Variants in NAP1L1 observed in about 807,000 individuals in gnomAD.
NAP1L1 encodes the protein nucleosome assembly protein 1 like 1.
In NAP1L1, 9 loss-of-function variants were observed where a neutral mutation model predicts 58.9. The ratio of observed to expected loss-of-function variants is 0.15; its 90% CI spans 0.09 to 0.27. The LOEUF is 0.27. NAP1L1 is among the 10% of genes least tolerant of loss of function. The pLI is 1.00. For missense variants in NAP1L1, 302 were observed against 458.8 expected (o/e 0.66, Z 3.12); for synonymous variants, 130 against 138.3 (o/e 0.94, Z 0.42).
In NAP1L1 at chr12:76,060,291, G is replaced by GAAAT. The variant is rs1949347313; in HGVS notation, c.207-16_207-13dup. 6.2e-7 allele frequency: 1 copy of GAAAT among 1,612,874 alleles called. No homozygotes were observed. The highest frequency in any genetic ancestry group is 1.3e-5 in the African/African-American group (1 of 74,882). ...CTACCCTAGGCAGGCTGAAAGGTTA[G>GAAAT]AAATCAGTTATATAGCATCAGAGTA... is the stretch of plus-strand genomic sequence containing the variant. On this transcript the variant is annotated splice_polypyrimidine_tract_variant and intron_variant, in intron 4 of 14. Coordinates refer to ENST00000618691, the MANE Select transcript of NAP1L1 (RefSeq NM_004537.7).
intron 11 of NAP1L1, among the ~76,000 whole-genome samples, chr12:76,052,609 G>A (rs967798156): frequency 3.3e-5 from 5 of 152,176 alleles, no homozygotes; most frequent in African/African-American, 1.2e-4. Flanking sequence ...TACCTTGTGT[G>A]TATAGACTTT....
intron 2 of NAP1L1, among the ~76,000 whole-genome samples, chr12:76,069,824 TA>T (rs36109243): frequency 0.015 from 2,139 of 145,318 alleles, 38 homozygotes; most frequent in African/African-American, 0.046. Flanking sequence ...CATTTCATCT[TA>T]AAAAAAAAAA....
At chr12:76,064,368 G>A (rs1305156247) in intron 4 of NAP1L1, among the ~76,000 whole-genome samples, 1 of 151,948 alleles carries the variant, frequency 6.6e-6, no homozygotes. Flanking sequence ...CAGAAATAAA[G>A]AGAAGCTGAA....
chr12:76,063,430 A>G (rs565570674), intron 4 of NAP1L1, among the ~76,000 whole-genome samples: 2 of 152,232 alleles, frequency 1.3e-5, no homozygotes, highest in South Asian at 2.1e-4. Context: ...AAAATAAATT[A>G]AAAAATAGAG....
chr12:76,068,735 TACACACACACACACACACACACAC>T (rs35120003), intron 3 of NAP1L1, 150 bp downstream of exon 3: 5 of 294,908 alleles, frequency 1.7e-5, no homozygotes, highest in East Asian at 7.5e-5. Context: ...ACCCGCCCCT[TACACACACACACACACACACACAC>T]ACACACACAC....
At chr12:76,050,407 CA>C in intron 12 of NAP1L1, 123 bp downstream of exon 12, 1 of 1,204,826 alleles carries the variant, frequency 8.3e-7, no homozygotes, top group Non-Finnish European at 1.1e-6. Flanking sequence ...TACAGAACAT[CA>C]GTAATTAGCC....
At chr12:76,061,093 T>C in intron 4 of NAP1L1, 1 of 412,638 alleles carries the variant, frequency 2.4e-6, no homozygotes, top group South Asian at 1.8e-5. Context: ...AGACCCTGTC[T>C]CAAAAATAAA....
chr12:76,051,582 T>C (rs1215996848), intron 11 of NAP1L1, among the ~76,000 whole-genome samples: 1 of 152,164 alleles, frequency 6.6e-6, no homozygotes, highest in East Asian at 1.9e-4. Flanking sequence ...TCTCGCTATG[T>C]TGCCCAGGCT....
At chr12:76,069,225 T>C (rs1476555937) in intron 2 of NAP1L1, among the ~76,000 whole-genome samples, 1 of 152,218 alleles carries the variant, frequency 6.6e-6, no homozygotes, top group Non-Finnish European at 1.5e-5. Context: ...TTTTGAAGCT[T>C]TATAAAATTG....
chr12:76,054,703 G>A (rs1948995827), intron 8 of NAP1L1, among the ~76,000 whole-genome samples: 1 of 152,198 alleles, frequency 6.6e-6, no homozygotes, highest in Non-Finnish European at 1.5e-5. Flanking sequence ...TCATTAGGGA[G>A]TGGGCATCCT....
intron 11 of NAP1L1, among the ~76,000 whole-genome samples, chr12:76,051,342 C>A (rs2886951): frequency 3.5e-5 from 5 of 143,560 alleles, no homozygotes; most frequent in East Asian, 4.1e-4. Flanking sequence ...AAAAAAAAAA[C>A]CCTTGGGTTA....
At position 76,044,501 on chromosome 12, in the gene NAP1L1, C is replaced by T. The variant is rs1948580032; in HGVS notation, c.*3928G>A. On this transcript the variant is annotated 3_prime_UTR_variant, in exon 15 of 15. Coordinates refer to ENST00000618691, the MANE Select transcript of NAP1L1 (RefSeq NM_004537.7). ...AGTAATCTATTATTTCTAAATACCC[C>T]ATTTCTTCTTTTATTCAGACTCTTG... 6.6e-6 allele frequency: 1 copy of T among 152,206 alleles called. No individual in the cohort carries two copies. Among genetic ancestry groups the T allele is most frequent in the Admixed American group, 6.5e-5 (1 of 15,284 alleles). The allele number at this position is 152,206 out of a possible 1,614,324, so 9.4% of individuals were successfully genotyped here. A position where few individuals can be genotyped will look rare whatever the true frequency, so the allele number is the denominator to read the frequency against.
intron 6 of NAP1L1, chr12:76,056,967 C>T: frequency 4.3e-6 from 1 of 234,688 alleles, no homozygotes; most frequent in Non-Finnish European, 8.6e-6. Context: ...GCCGAGACTG[C>T]ACTCCAGCCT....
chr12:76,061,473 GGCT>G (rs766674443), intron 4 of NAP1L1, among the ~76,000 whole-genome samples: 6 of 152,286 alleles, frequency 3.9e-5, no homozygotes, highest in Admixed American at 3.3e-4. Flanking sequence ...TTCTTTGTAT[GGCT>G]GCAAGTATTA....
At chr12:76,050,720 AAGACTCTTAG>A in intron 11 of NAP1L1, 67 bp from the exon 12 acceptor site, 1 of 1,522,640 alleles carries the variant, frequency 6.6e-7, no homozygotes, top group South Asian at 1.3e-5. Context: ...TGGCACATGT[AAGACTCTTAG>A]AGGCTGGGTG....
At chr12:76,063,194 T>C (rs768938795) in intron 4 of NAP1L1, among the ~76,000 whole-genome samples, 14 of 152,184 alleles carry the variant, frequency 9.2e-5, no homozygotes, top group Non-Finnish European at 1.8e-4. Context: ...TCAAATATCT[T>C]GGTAAATTTC....
At chr12:76,081,201 A>T (rs1950393231) in intron 1 of NAP1L1, among the ~76,000 whole-genome samples, 2 of 152,196 alleles carry the variant, frequency 1.3e-5, no homozygotes, top group African/African-American at 4.8e-5. Context: ...GATAAAAATT[A>T]TCTCATCATA....
intron 11 of NAP1L1, among the ~76,000 whole-genome samples, chr12:76,051,285 G>C (rs973504705): frequency 2.0e-5 from 3 of 150,956 alleles, no homozygotes; most frequent in African/African-American, 7.3e-5. Flanking sequence ...TTACATGTCC[G>C]CAATTTTCCT....
intron 6 of NAP1L1, chr12:76,056,500 T>C (rs571151774): frequency 2.5e-5 from 10 of 398,676 alleles, no homozygotes; most frequent in Non-Finnish European, 5.0e-5. Context: ...CCCCATGGTG[T>C]TCTTAATCAA....
Sources: allele counts gnomAD v4.1 joint callset (sites outside exome capture counted in the v4.1 genomes callset), GRCh38; gene constraint gnomAD v4.1.1; transcripts MANE v1.5; gene names NCBI Gene and HGNC (gene_info 2026-07-23, HGNC 2026-07-21).